The following NAV2 variants were observed in gnomAD, a reference collection of about 807,000 sequenced individuals.
NAV2 encodes helicase, APC down-regulated 1.
A neutral mutation model predicts 223.2 loss-of-function variants in NAV2; 54 were observed. That is an observed-to-expected ratio of 0.24 (90% CI 0.19 to 0.30). The LOEUF (loss-of-function observed/expected upper bound fraction) is 0.30. Among genes scored for constraint, NAV2 ranks in the 10% least tolerant of loss-of-function variants. The probability of loss-of-function intolerance (pLI) is 1.00; values close to 1 mark genes in which losing one functional copy is unlikely to be tolerated. For missense variants in NAV2, 2,806 were observed against 3,147.5 expected, an observed-to-expected ratio of 0.89 and a Z score of 2.60; for synonymous variants, 1,279 against 1,239.3, an observed-to-expected ratio of 1.03 and a Z score of -0.67.
chr11:20,043,706 T>C (rs1187443473), intron 12 of NAV2: 2 of 335,386 alleles, frequency 6.0e-6, no homozygotes, highest in Non-Finnish European at 1.1e-5. Flanking sequence ...CCTCCTAAAA[T>C]ATTAGGATTA....
chr11:19,849,479 G>T (rs191096725), intron 3 of NAV2, among the ~76,000 whole-genome samples: 17 of 152,302 alleles, frequency 1.1e-4, no homozygotes, highest in African/African-American at 3.4e-4. Context: ...CCTTGAATTG[G>T]CCTCGAAGAG....
At chr11:19,686,080 C>T (rs2049015738) in intron 1 of NAV2, among the ~76,000 whole-genome samples, 1 of 152,134 alleles carries the variant, frequency 6.6e-6, no homozygotes, top group Admixed American at 6.5e-5. Flanking sequence ...TTCTCCAGGT[C>T]CCCATGTTCA....
intron 1 of NAV2, among the ~76,000 whole-genome samples, chr11:19,766,359 A>G (rs547973451): frequency 6.6e-6 from 1 of 152,184 alleles, no homozygotes; most frequent in South Asian, 2.1e-4. Flanking sequence ...CCAAGTGTGA[A>G]CATGGTGATG....
At chr11:19,412,217 G>C (rs1252513065) in intron 1 of NAV2, among the ~76,000 whole-genome samples, 3 of 152,188 alleles carry the variant, frequency 2.0e-5, no homozygotes, top group Non-Finnish European at 4.4e-5. Flanking sequence ...AGTTGACCTG[G>C]GATGCTCAAG....
At chr11:19,538,146 G>C (rs2044240949) in intron 1 of NAV2, among the ~76,000 whole-genome samples, 2 of 152,132 alleles carry the variant, frequency 1.3e-5, no homozygotes, top group African/African-American at 4.8e-5. Flanking sequence ...GTTTTTTCTG[G>C]TTCCTATATC....
intron 24 of NAV2, 137 bp downstream of exon 24, chr11:20,078,241 G>A (rs2153658847): frequency 7.3e-6 from 5 of 688,678 alleles, no homozygotes; most frequent in South Asian, 6.7e-5. Context: ...AGCAGGAACT[G>A]GAAGGCAAAC....
intron 1 of NAV2, among the ~76,000 whole-genome samples, chr11:19,596,866 C>T (rs940079070): frequency 3.5e-4 from 53 of 152,204 alleles, no homozygotes; most frequent in African/African-American, 1.2e-3. Context: ...GCAGGCTGTT[C>T]GTCTTTACGG....
chr11:19,921,273 A>G (rs1412819377), intron 6 of NAV2, among the ~76,000 whole-genome samples: 1 of 152,152 alleles, frequency 6.6e-6, no homozygotes, highest in East Asian at 1.9e-4. Flanking sequence ...AATCATAGAG[A>G]GTGAATAATA....
chr11:19,660,405 G>T (rs922728559), intron 1 of NAV2, among the ~76,000 whole-genome samples: 4 of 152,144 alleles, frequency 2.6e-5, no homozygotes, highest in Non-Finnish European at 5.9e-5. Context: ...GGACATTAGG[G>T]TTCATACGTT....
At chr11:19,929,347 G>T (rs1443198115) in intron 6 of NAV2, among the ~76,000 whole-genome samples, 1 of 152,198 alleles carries the variant, frequency 6.6e-6, no homozygotes, top group Non-Finnish European at 1.5e-5. Context: ...TCCTAGGAAT[G>T]ATAGAAATGT....
At chr11:19,756,601 AG>A (rs2054252656) in intron 1 of NAV2, among the ~76,000 whole-genome samples, 1 of 152,216 alleles carries the variant, frequency 6.6e-6, no homozygotes, top group African/African-American at 2.4e-5. Context: ...GGAATTAAAC[AG>A]GGTGGGCGTC....
At chr11:20,011,830 CTG>C (rs1255809505) in intron 11 of NAV2, among the ~76,000 whole-genome samples, 1 of 152,254 alleles carries the variant, frequency 6.6e-6, no homozygotes, top group African/African-American at 2.4e-5. Flanking sequence ...ATTTGATTAA[CTG>C]TCTTCCTACT....
chr11:20,078,129 GC>G, intron 24 of NAV2, 25 bp downstream of exon 24: 1 of 1,565,460 alleles, frequency 6.4e-7, no homozygotes, highest in Non-Finnish European at 8.8e-7. Context: ...ACAGCCTTTA[GC>G]CAGAAGACCT....
At chr11:20,035,560 G>A (rs1379110325) in intron 11 of NAV2, among the ~76,000 whole-genome samples, 1 of 152,086 alleles carries the variant, frequency 6.6e-6, no homozygotes, top group African/African-American at 2.4e-5. Flanking sequence ...GACCCGACAG[G>A]TGCCTGCTGC....
chr11:19,538,931 C>A (rs762682762), intron 1 of NAV2, among the ~76,000 whole-genome samples: 3 of 147,502 alleles, frequency 2.0e-5, no homozygotes, highest in Non-Finnish European at 4.4e-5. Context: ...ATTTAAAGGC[C>A]ACAAATCATG....
At chr11:19,629,043 C>A (rs1216501195) in intron 1 of NAV2, among the ~76,000 whole-genome samples, 3 of 152,134 alleles carry the variant, frequency 2.0e-5, no homozygotes, top group Non-Finnish European at 2.9e-5. Flanking sequence ...CCAGCTTTTG[C>A]TGAAAATATA....
At chr11:20,062,406 T>C in intron 20 of NAV2, 47 bp downstream of exon 20, 1 of 1,439,934 alleles carries the variant, frequency 6.9e-7, no homozygotes, top group Non-Finnish European at 9.6e-7. Flanking sequence ...AGAACTGGGG[T>C]TCCTTTATCA....
chr11:19,761,497 A>T (rs751526822), intron 1 of NAV2, among the ~76,000 whole-genome samples: 9 of 152,214 alleles, frequency 5.9e-5, no homozygotes, highest in Non-Finnish European at 1.0e-4. Flanking sequence ...ACAATCCACC[A>T]GGTAAAGACC....
At chr11:19,944,229 T>C (rs1429661988) in intron 8 of NAV2, among the ~76,000 whole-genome samples, 6 of 151,886 alleles carry the variant, frequency 4.0e-5, no homozygotes, top group Admixed American at 3.9e-4. Context: ...AGAAACAGAA[T>C]TGCCAGAGAA....
Sources: allele counts gnomAD v4.1 joint callset (sites outside exome capture counted in the v4.1 genomes callset), GRCh38; gene constraint gnomAD v4.1.1; transcripts MANE v1.5; gene names NCBI Gene and HGNC (gene_info 2026-07-23, HGNC 2026-07-21).